The following AGPAT5 variants were observed in gnomAD, a reference collection of about 807,000 sequenced individuals.
The protein encoded by AGPAT5 is 1-acylglycerol-3-phosphate O-acyltransferase 5, also known as 1-acyl-sn-glycerol-3-phosphate acyltransferase epsilon.
In AGPAT5, 46 loss-of-function variants were observed where a neutral mutation model predicts 45.6. The ratio of observed to expected loss-of-function variants is 1.01; its 90% CI spans 0.80 to 1.29. AGPAT5 has a LOEUF of 1.29. Ranked by LOEUF, AGPAT5 falls within the 50% of genes most tolerant of loss-of-function variation. AGPAT5 has a pLI of 0.00. For missense variants in AGPAT5, 673 were observed against 450.7 expected, an observed-to-expected ratio of 1.49 and a Z score of -4.47; for synonymous variants, 272 against 167.0, an observed-to-expected ratio of 1.63 and a Z score of -4.85.
In AGPAT5 at chr8:6,732,100, G is replaced by A. The variant is rs578002817; in HGVS notation, c.406-461G>A. 4.6e-5 allele frequency among the ~76,000 whole-genome samples: 7 copies of A among 152,276 alleles called. No homozygotes were observed. The East Asian group carries it at 9.6e-4, about 21-fold the overall frequency. ...AGGGCTTTAGTAGACTGATTTGGGG[G>A]AACACACTTCTGTCCGTAACAGTGC... On this transcript the variant is annotated intron_variant, in intron 3 of 7. Coordinates refer to ENST00000285518, the MANE Select transcript of AGPAT5 (RefSeq NM_018361.5).
chr8:6,755,280 A>G (rs1287496345), intron 7 of AGPAT5, 106 bp downstream of exon 7: 2 of 1,219,494 alleles, frequency 1.6e-6, no homozygotes, highest in Non-Finnish European at 1.1e-6. Context: ...TCAAGAATAC[A>G]TTTTATAAAT....
intron 7 of AGPAT5, among the ~76,000 whole-genome samples, chr8:6,756,609 CAAAA>C (rs11300826): frequency 5.7e-5 from 7 of 122,916 alleles, no homozygotes; most frequent in Non-Finnish European, 1.1e-4. Flanking sequence ...TGCCTTTTTT[CAAAA>C]AAAAAAAAAA....
In AGPAT5 at chr8:6,757,555, G is replaced by A. The variant is rs1801886794; in HGVS notation, c.*167G>A. 3 of 608,908 alleles carry A rather than the reference G, an allele frequency of 4.9e-6. No individual in the cohort carries two copies. The highest frequency in any genetic ancestry group is 3.0e-5 in the Admixed American group (1 of 33,096). 37.7% of individuals were successfully genotyped at this position (608,908 alleles called of 1,614,324 possible). Reference sequence around the variant, plus strand: ...CGAAAGCTGATATGCAATGGTCTTGGGCAAACATACCTGGTTGTACAACTT... The same window carrying A: ...CGAAAGCTGATATGCAATGGTCTTGAGCAAACATACCTGGTTGTACAACTT... On this transcript the variant is annotated 3_prime_UTR_variant, in exon 8 of 8. Transcript: ENST00000285518.
Position 6,760,793 on chromosome 8 carries a change from G to C in AGPAT5, c.*3405G>C, listed in dbSNP as rs191813711. Among the ~76,000 whole-genome samples, 48 of 151,876 alleles carry C rather than the reference G, an allele frequency of 3.2e-4. No homozygotes were observed. Among genetic ancestry groups the C allele is most frequent in the Middle Eastern group, 3.4e-3 (1 of 292 alleles). ...CACTTAGTATAATTGACATTATATA[G>C]AGACTATGTAACATGCAATCATTAG... On this transcript the variant is annotated 3_prime_UTR_variant, in exon 8 of 8. Transcript: ENST00000285518.
intron 7 of AGPAT5, among the ~76,000 whole-genome samples, chr8:6,756,148 A>G (rs1054078973): frequency 2.0e-5 from 3 of 152,170 alleles, no homozygotes; most frequent in Non-Finnish European, 4.4e-5. Context: ...ATGTTCTGCT[A>G]TCATAACTTT....
In AGPAT5 at chr8:6,724,934, G is replaced by A; in HGVS notation, c.284G>A (p.Ser95Asn). Residue 95 changes from serine to asparagine, a missense_variant, in exon 2 of 8, where the codon AGC (serine) becomes AAC (asparagine). Transcript: ENST00000285518. ...ATAATATATTTAGCAAATCATCAAAGCACAGGTTTGTATTTCATTTGCATG... is the reference window on the plus strand; with the variant it reads ...ATAATATATTTAGCAAATCATCAAAACACAGGTTTGTATTTCATTTGCATG... The part of the protein sequence containing the change: ...ENIIYLANHQ[S>N]TVDWIVADIL... 1 of 1,153,396 alleles carries A rather than the reference G, an allele frequency of 8.7e-7. No individual in the cohort carries two copies. The highest frequency in any genetic ancestry group is 1.1e-6 in the Non-Finnish European group (1 of 875,598). 71.4% of individuals were successfully genotyped at this position (1,153,396 alleles called of 1,614,324 possible).
chr8:6,736,553 CT>C (rs1193883362), intron 4 of AGPAT5, among the ~76,000 whole-genome samples: 1 of 152,136 alleles, frequency 6.6e-6, no homozygotes, highest in African/African-American at 2.4e-5. Context: ...ACTTTCTTTC[CT>C]TGTTTGCTTT....
chr8:6,739,983 T>A (rs138691928), intron 4 of AGPAT5, among the ~76,000 whole-genome samples: 82 of 152,266 alleles, frequency 5.4e-4, no homozygotes, highest in Middle Eastern at 3.4e-3. Context: ...TTTTTATTTA[T>A]CTGTTTAATG....
intron 4 of AGPAT5, among the ~76,000 whole-genome samples, chr8:6,737,370 G>A (rs774139598): frequency 6.6e-6 from 1 of 152,142 alleles, no homozygotes; most frequent in Non-Finnish European, 1.5e-5. Context: ...CTTTCGTGTG[G>A]CTTACTAGTT....
intron 6 of AGPAT5, among the ~76,000 whole-genome samples, chr8:6,749,228 AAGAG>A (rs1801572665): frequency 6.6e-6 from 1 of 152,238 alleles, no homozygotes. Flanking sequence ...CTTTGACTGA[AAGAG>A]AGAGCAGCTG....
intron 6 of AGPAT5, among the ~76,000 whole-genome samples, chr8:6,751,883 A>G (rs185821904): frequency 3.9e-5 from 6 of 152,276 alleles, no homozygotes; most frequent in Admixed American, 6.5e-5. Flanking sequence ...ATATTTTTAT[A>G]TTTAAAGTAT....
At position 6,729,879 on chromosome 8, in the gene AGPAT5, G is replaced by A. The variant is rs185365544; in HGVS notation, c.290-832G>A. ...TAGCAGTCTGAGATCATTTTACTTG[G>A]TTACATAAGGAGCACATATATCTAC... is the stretch of plus-strand genomic sequence containing the variant. On this transcript the variant is annotated intron_variant, in intron 2 of 7. Coordinates refer to ENST00000285518, the MANE Select transcript of AGPAT5 (RefSeq NM_018361.5). Among the ~76,000 whole-genome samples the A allele has an allele frequency of 8.5e-5, 13 of 152,090 alleles. No homozygotes were observed. In the East Asian group the frequency reaches 2.1e-3, roughly 25 times the overall value.
At chr8:6,710,974 T>C (rs1469269) in intron 1 of AGPAT5, among the ~76,000 whole-genome samples, 2,334 of 152,276 alleles carry the variant, frequency 0.015, 73 homozygotes, top group East Asian at 0.13. Flanking sequence ...ATTCTCTTGT[T>C]CTGTATAAAG....
At chr8:6,722,956 C>T (rs577911286) in intron 1 of AGPAT5, among the ~76,000 whole-genome samples, 4 of 151,950 alleles carry the variant, frequency 2.6e-5, no homozygotes, top group South Asian at 2.1e-4. Flanking sequence ...AAAGAAAAGC[C>T]GTATGTTTTC....
chr8:6,715,313 G>A (rs1800285386), intron 1 of AGPAT5, among the ~76,000 whole-genome samples: 1 of 152,216 alleles, frequency 6.6e-6, no homozygotes, highest in South Asian at 2.1e-4. Context: ...GGAAGGTAAT[G>A]TAGTCATCCA....
At chr8:6,710,398 A>G (rs1436735907) in intron 1 of AGPAT5, among the ~76,000 whole-genome samples, 1 of 152,252 alleles carries the variant, frequency 6.6e-6, no homozygotes, top group African/African-American at 2.4e-5. Context: ...AGTGGCATCC[A>G]GCACTAATTT....
At chr8:6,740,240 C>T (rs1018149453) in intron 4 of AGPAT5, among the ~76,000 whole-genome samples, 23 of 151,908 alleles carry the variant, frequency 1.5e-4, no homozygotes, top group African/African-American at 5.6e-4. Context: ...AAGCTGATAG[C>T]CCACAGTAAT....
At position 6,759,053 on chromosome 8, in the gene AGPAT5, T is replaced by G. The variant is rs887923437; in HGVS notation, c.*1665T>G. 4 of 152,236 alleles carry G rather than the reference T, an allele frequency of 2.6e-5. No homozygotes were observed. The highest frequency in any genetic ancestry group is 5.9e-5 in the Non-Finnish European group (4 of 68,030). The allele number at this position is 152,236 out of a possible 1,614,324, so 9.4% of individuals were successfully genotyped here. A position where few individuals can be genotyped will look rare whatever the true frequency, so the allele number is the denominator to read the frequency against. ...ATTGGTTTGTGTACATTAGAATGTA[T>G]GCACACATCCATGGACACTCAGGAT... On this transcript the variant is annotated 3_prime_UTR_variant, in exon 8 of 8. Transcript: ENST00000285518.
chr8:6,757,523 T>A lies in AGPAT5; in HGVS notation c.*135T>A. The A allele has an allele frequency of 1.4e-6, 1 of 715,410 alleles. No homozygotes were observed. The highest frequency in any genetic ancestry group is 2.3e-6 in the Non-Finnish European group (1 of 434,846). 44.3% of individuals were successfully genotyped at this position (715,410 alleles called of 1,614,324 possible). On this transcript the variant is annotated 3_prime_UTR_variant, in exon 8 of 8. Coordinates refer to ENST00000285518, the MANE Select transcript of AGPAT5 (RefSeq NM_018361.5). ...GTTGATTGAAGATTGGATAATAGAA[T>A]TTGTGACGAAAGCTGATATGCAATG...
Sources: gnomAD v4.1 joint callset for allele counts (sites outside exome capture counted in the v4.1 genomes callset) on GRCh38, gnomAD v4.1.1 for gene constraint, MANE v1.5 for transcripts, NCBI Gene and HGNC (gene_info 2026-07-23, HGNC 2026-07-21) for gene names.